The following ALMS1 variants were observed in gnomAD, a reference collection of about 807,000 sequenced individuals.
ALMS1 encodes centrosome-associated protein ALMS1.
In ALMS1, 271 loss-of-function variants were observed where a neutral mutation model predicts 352.2. That is an observed-to-expected ratio of 0.77 (90% CI 0.70 to 0.85). ALMS1 has a LOEUF of 0.85. ALMS1 is among the 40% of genes least tolerant of loss of function. The probability of loss-of-function intolerance (pLI) is 0.00; values close to 1 mark genes in which losing one functional copy is unlikely to be tolerated. For synonymous variants in ALMS1, 1,865 were observed against 1,761.2 expected (o/e 1.06, Z -1.48); for missense variants, 5,445 against 4,870.7 (o/e 1.12, Z -3.51).
chr2:73,520,496 A>G (rs1196471498), intron 11 of ALMS1, among the ~76,000 whole-genome samples: 1 of 152,266 alleles, frequency 6.6e-6, no homozygotes, highest in Admixed American at 6.5e-5. Context: ...AGCAATCACC[A>G]GAGACCCAGG....
intron 1 of ALMS1, among the ~76,000 whole-genome samples, chr2:73,397,969 A>C (rs780162021): frequency 5.3e-4 from 80 of 152,236 alleles, no homozygotes; most frequent in Non-Finnish European, 9.8e-4. Flanking sequence ...AAGCAGAATA[A>C]GTTTTTAATT....
intron 13 of ALMS1, 23 bp downstream of exon 13, chr2:73,550,460 C>T: frequency 6.2e-7 from 1 of 1,613,514 alleles, no homozygotes; most frequent in Non-Finnish European, 8.5e-7. Flanking sequence ...GCTTTGTATA[C>T]TTTGTAGCTT....
chr2:73,549,525 C>G (rs1365193744), intron 12 of ALMS1, among the ~76,000 whole-genome samples: 1 of 152,164 alleles, frequency 6.6e-6, no homozygotes, highest in Non-Finnish European at 1.5e-5. Flanking sequence ...TGCAATCCAA[C>G]CTGACCATAA....
chr2:73,488,988 C>G (rs1370038196), intron 9 of ALMS1, among the ~76,000 whole-genome samples: 1 of 152,066 alleles, frequency 6.6e-6, no homozygotes, highest in African/African-American at 2.4e-5. Context: ...TTTATTTTTT[C>G]ACGTCATTGT....
chr2:73,508,283 A>C (rs1673379144), intron 10 of ALMS1, among the ~76,000 whole-genome samples: 1 of 148,388 alleles, frequency 6.7e-6, no homozygotes, highest in Non-Finnish European at 1.5e-5. Context: ...GCTTACTGCA[A>C]GCTCTGCCTC....
intron 13 of ALMS1, among the ~76,000 whole-genome samples, chr2:73,554,173 T>G (rs996126822): frequency 6.6e-6 from 1 of 150,806 alleles, no homozygotes; most frequent in Non-Finnish European, 1.5e-5. Context: ...AAAATACATT[T>G]GGCAAATACT....
At chr2:73,435,445 ATATT>A (rs1347411410) in intron 7 of ALMS1, among the ~76,000 whole-genome samples, 1 of 151,766 alleles carries the variant, frequency 6.6e-6, no homozygotes, top group East Asian at 1.9e-4. Context: ...GGGGCTTATA[ATATT>A]TATCTTATCA....
At chr2:73,514,454 T>C (rs1443359129) in intron 10 of ALMS1, among the ~76,000 whole-genome samples, 1 of 152,184 alleles carries the variant, frequency 6.6e-6, no homozygotes, top group Non-Finnish European at 1.5e-5. Flanking sequence ...TACTCACTCC[T>C]CCTATTTGTG....
chr2:73,420,485 T>C (rs1302566294), intron 3 of ALMS1, among the ~76,000 whole-genome samples: 1 of 152,064 alleles, frequency 6.6e-6, no homozygotes, highest in East Asian at 1.9e-4. Context: ...TTAAAAAAGG[T>C]TTGCTAACTC....
chr2:73,483,690 A>T (rs1335574007), intron 9 of ALMS1, among the ~76,000 whole-genome samples: 2 of 149,932 alleles, frequency 1.3e-5, no homozygotes, highest in African/African-American at 2.5e-5. Context: ...GTCTCCCATG[A>T]TTAATGTGTG....
At chr2:73,593,998 TTC>T (rs538898146) in intron 16 of ALMS1, among the ~76,000 whole-genome samples, 5 of 152,356 alleles carry the variant, frequency 3.3e-5, no homozygotes, top group African/African-American at 1.2e-4. Context: ...TTTGTGTTGT[TTC>T]TGTTTTTTGT....
chr2:73,565,106 C>T (rs1674775728), intron 15 of ALMS1, among the ~76,000 whole-genome samples: 1 of 152,106 alleles, frequency 6.6e-6, no homozygotes, highest in South Asian at 2.1e-4. Context: ...CCTAAAATAC[C>T]AAGCTCATAG....
intron 1 of ALMS1, among the ~76,000 whole-genome samples, chr2:73,393,259 C>T (rs1168242855): frequency 1.3e-5 from 2 of 152,024 alleles, no homozygotes; most frequent in Non-Finnish European, 2.9e-5. Context: ...TCATGAGGAC[C>T]TACTATGTTT....
chr2:73,395,673 C>G (rs2103643294), intron 1 of ALMS1, among the ~76,000 whole-genome samples: 1 of 152,014 alleles, frequency 6.6e-6, no homozygotes, highest in African/African-American at 2.4e-5. Flanking sequence ...TTTATTCATC[C>G]TAGTAGATTA....
intron 9 of ALMS1, among the ~76,000 whole-genome samples, chr2:73,473,514 G>A (rs1320941252): frequency 1.3e-5 from 2 of 151,918 alleles, no homozygotes; most frequent in African/African-American, 4.8e-5. Context: ...AAATTATAAG[G>A]CATGCAAAGA....
chr2:73,596,722 G>A (rs1163163844), intron 16 of ALMS1, among the ~76,000 whole-genome samples: 1 of 151,890 alleles, frequency 6.6e-6, no homozygotes, highest in Non-Finnish European at 1.5e-5. Context: ...TGCCTGCCTT[G>A]GCCTCCCAAA....
At chr2:73,516,720 C>T (rs746931111) in intron 10 of ALMS1, among the ~76,000 whole-genome samples, 18 of 152,184 alleles carry the variant, frequency 1.2e-4, no homozygotes, top group Non-Finnish European at 2.2e-4. Flanking sequence ...TGCAGTTAAA[C>T]TTTCTCAAGG....
chr2:73,523,182 TTG>T (rs1176923550), intron 11 of ALMS1, among the ~76,000 whole-genome samples: 2 of 152,208 alleles, frequency 1.3e-5, no homozygotes, highest in Non-Finnish European at 2.9e-5. Flanking sequence ...TAAGAAAGCA[TTG>T]TAGACTCAGA....
chr2:73,512,782 T>C (rs1673478903), intron 10 of ALMS1, among the ~76,000 whole-genome samples: 1 of 152,298 alleles, frequency 6.6e-6, no homozygotes, highest in East Asian at 1.9e-4. Context: ...CTTTTGATCA[T>C]GTCTTTGCTT....
Sources: allele counts gnomAD v4.1 joint callset (sites outside exome capture counted in the v4.1 genomes callset), GRCh38; gene constraint gnomAD v4.1.1; transcripts MANE v1.5; gene names NCBI Gene and HGNC (gene_info 2026-07-23, HGNC 2026-07-21).